The following TMSB15B variants were observed in gnomAD, a reference collection of about 807,000 sequenced individuals.
The protein encoded by TMSB15B is thymosin beta-15B.
chrX:103,948,128 T>G (rs1835161351), intron 1 of TMSB15B, among the ~76,000 whole-genome samples: 1 of 111,420 alleles, frequency 9.0e-6, no homozygotes, highest in Admixed American at 9.5e-5. Context: ...CCATGGCACA[T>G]GTATACCTAT....
chrX:103,942,731 T>C (rs868996099), intron 1 of TMSB15B, among the ~76,000 whole-genome samples: 2 of 112,135 alleles, frequency 1.8e-5, no homozygotes, highest in African/African-American at 6.5e-5. Flanking sequence ...AATTTTAACA[T>C]TTCTCCAAGT....
rs1413326822 is a variant in TMSB15B at position 103,928,446 on chromosome X, C to T, written c.-721+9154C>T. The T allele has an allele frequency of 4.2e-6, 5 of 1,203,211 alleles. No homozygotes were observed. In the East Asian group the frequency reaches 8.9e-5, roughly 21 times the overall value. The stretch of plus-strand genomic sequence containing the variant: ...TTGGGCCACACACCCTGGGACGCCA[C>T]TGGGCTGCAGGGATCATGTCTGGCC... On this transcript the variant is annotated intron_variant, in intron 1 of 3. Coordinates refer to the TMSB15B transcript ENST00000419165.
intron 1 of TMSB15B, among the ~76,000 whole-genome samples, chrX:103,949,698 G>A (rs781875831): frequency 1.8e-5 from 2 of 112,121 alleles, no homozygotes; most frequent in East Asian, 5.7e-4. Flanking sequence ...ACATCTGAGT[G>A]GAAGTGCTGA....
intron 1 of TMSB15B, chrX:103,928,600 C>A: frequency 8.6e-7 from 1 of 1,161,206 alleles, no homozygotes; most frequent in Non-Finnish European, 1.2e-6. Flanking sequence ...GCTTTGGGGG[C>A]GGCTGTCACG....
intron 1 of TMSB15B, among the ~76,000 whole-genome samples, chrX:103,921,254 G>A (rs2074951793): frequency 8.9e-6 from 1 of 111,978 alleles, no homozygotes; most frequent in African/African-American, 3.3e-5. Flanking sequence ...GAGAAGGCAG[G>A]TTGCTCACCT....
intron 1 of TMSB15B, among the ~76,000 whole-genome samples, chrX:103,923,168 A>T (rs1302172675): frequency 6.3e-5 from 7 of 111,626 alleles, no homozygotes; most frequent in Non-Finnish European, 1.1e-4. Flanking sequence ...ATTCACTCTG[A>T]TGGTAGTTTC....
At chrX:103,936,066 G>T (rs1383329505) in intron 1 of TMSB15B, among the ~76,000 whole-genome samples, 4 of 109,992 alleles carry the variant, frequency 3.6e-5, no homozygotes, top group African/African-American at 6.6e-5. Flanking sequence ...GGCTGGTCTC[G>T]AACTCCCCAC....
intron 1 of TMSB15B, among the ~76,000 whole-genome samples, chrX:103,936,207 A>G (rs2074997428): frequency 9.0e-6 from 1 of 111,621 alleles, no homozygotes; most frequent in African/African-American, 3.3e-5. Flanking sequence ...GGTAGCTTGA[A>G]GGGAATAGCA....
intron 1 of TMSB15B, among the ~76,000 whole-genome samples, chrX:103,940,577 G>T (rs1337969082): frequency 9.0e-6 from 1 of 111,201 alleles, no homozygotes; most frequent in African/African-American, 3.3e-5. Context: ...CAAGCCAGTG[G>T]ATGTTAGCTT....
intron 1 of TMSB15B, among the ~76,000 whole-genome samples, chrX:103,927,758 T>G (rs1300425752): frequency 9.1e-6 from 1 of 110,218 alleles, no homozygotes; most frequent in Non-Finnish European, 1.9e-5. Flanking sequence ...TGCATTAAGT[T>G]TTGGAGTCTT....
Position 103,936,726 on chromosome X carries a change from G to C in TMSB15B, c.-721+17434G>C, listed in dbSNP as rs546159183. 1.4e-4 allele frequency among the ~76,000 whole-genome samples: 16 copies of C among 112,103 alleles called. No homozygotes were observed. The South Asian group carries it at 5.6e-3, about 39-fold the overall frequency. On this transcript the variant is annotated intron_variant, in intron 1 of 3. Coordinates refer to the TMSB15B transcript ENST00000419165. ...GAGAGGGCATCCTTGTCTTGAGCCG[G>C]TTTTCAAAGGGAACACTTCCAGCTT...
intron 1 of TMSB15B, among the ~76,000 whole-genome samples, chrX:103,942,397 C>G (rs1340318684): frequency 1.8e-5 from 2 of 111,936 alleles, no homozygotes; most frequent in Admixed American, 1.9e-4. Context: ...ACAATGCCAA[C>G]TCTGTCAAAT....
At chrX:103,936,277 C>T (rs781914159) in intron 1 of TMSB15B, among the ~76,000 whole-genome samples, 1,187 of 112,000 alleles carry the variant, frequency 0.011, 10 homozygotes, top group Non-Finnish European at 0.017. Context: ...CTCTTCCTAT[C>T]CATGAGCATG....
chrX:103,947,040 C>A (rs1556327517), intron 1 of TMSB15B, among the ~76,000 whole-genome samples: 4 of 109,580 alleles, frequency 3.7e-5, no homozygotes, highest in African/African-American at 1.3e-4. Flanking sequence ...TTGGTATATA[C>A]CCAAGAAAAG....
At chrX:103,936,952 G>T (rs1186029777) in intron 1 of TMSB15B, among the ~76,000 whole-genome samples, 1 of 111,975 alleles carries the variant, frequency 8.9e-6, no homozygotes, top group Non-Finnish European at 1.9e-5. Context: ...TTCTGTTTAT[G>T]TGATGGTTCT....
chrX:103,932,762 A>G (rs781784457), intron 1 of TMSB15B: 1 of 111,885 alleles, frequency 8.9e-6, no homozygotes, highest in Non-Finnish European at 1.9e-5. Context: ...GTCAATATTA[A>G]TATTTAGTTT....
intron 1 of TMSB15B, chrX:103,928,108 G>T (rs1556319232): frequency 9.0e-7 from 1 of 1,115,646 alleles, no homozygotes; most frequent in East Asian, 3.0e-5. Flanking sequence ...TGGGGGAGCA[G>T]AACCACTCTC....
intron 1 of TMSB15B, chrX:103,927,963 T>C (rs112405121): frequency 3.3e-4 from 132 of 396,378 alleles, no homozygotes; most frequent in African/African-American, 2.1e-3. Flanking sequence ...TGCTTGTTTC[T>C]GTCGACCTGA....
intron 1 of TMSB15B, among the ~76,000 whole-genome samples, chrX:103,920,355 G>C (rs2147814595): frequency 8.9e-6 from 1 of 111,828 alleles, no homozygotes; most frequent in South Asian, 3.8e-4. Flanking sequence ...GATGTACTAG[G>C]ACTACAGGTA....
Sources: gnomAD v4.1 joint callset for allele counts (sites outside exome capture counted in the v4.1 genomes callset) on GRCh38, gnomAD v4.1.1 for gene constraint, MANE v1.5 for transcripts, NCBI Gene and HGNC (gene_info 2026-07-23, HGNC 2026-07-21) for gene names.